The following CTNNA3 variants were observed in gnomAD, a reference collection of about 807,000 sequenced individuals.
The protein encoded by CTNNA3 is catenin alpha-3.
A neutral mutation model predicts 95.7 loss-of-function variants in CTNNA3; 76 were observed. That is an observed-to-expected ratio of 0.79 (90% CI 0.66 to 0.96). The LOEUF (loss-of-function observed/expected upper bound fraction) is 0.96. Among genes scored for constraint, CTNNA3 ranks in the 40% least tolerant of loss-of-function variants. The pLI is 0.00. For missense variants in CTNNA3, 1,191 were observed against 1,089.8 expected, an observed-to-expected ratio of 1.09 and a Z score of -1.31; for synonymous variants, 431 against 374.4, an observed-to-expected ratio of 1.15 and a Z score of -1.74.
At chr10:66,915,193 A>G (rs1387674566) in intron 7 of CTNNA3, among the ~76,000 whole-genome samples, 2 of 134,368 alleles carry the variant, frequency 1.5e-5, no homozygotes, top group Admixed American at 1.4e-4. Flanking sequence ...AAAACTAACG[A>G]AAAAAAAAAA....
In CTNNA3 at chr10:66,450,762, C is replaced by G. The variant is rs371720925; in HGVS notation, c.1531+69855G>C. Among the ~76,000 whole-genome samples, 81 of 152,202 alleles carry G rather than the reference C, an allele frequency of 5.3e-4. 1 individual carries two copies. The East Asian group carries it at 7.3e-3, about 14-fold the overall frequency. On this transcript the variant is annotated intron_variant, in intron 11 of 17. Coordinates refer to ENST00000433211, the MANE Select transcript of CTNNA3 (RefSeq NM_013266.4). ...ATTTCCTCACAAGCTAGAGATGTTA[C>G]TTTGCTCCAACTTATTATTTCTTCT...
intron 7 of CTNNA3, among the ~76,000 whole-genome samples, chr10:66,959,216 C>G (rs561830817): frequency 6.6e-6 from 1 of 152,276 alleles, no homozygotes; most frequent in African/African-American, 2.4e-5. Flanking sequence ...ATCTTTTATT[C>G]TCTTCAAAAC....
intron 15 of CTNNA3, among the ~76,000 whole-genome samples, chr10:66,031,884 T>C (rs1049241933): frequency 3.3e-4 from 50 of 152,314 alleles, no homozygotes; most frequent in African/African-American, 9.6e-4. Context: ...CCTGTTCTCA[T>C]AGAAAGCTGA....
chr10:66,455,513 C>T (rs2093489939), intron 11 of CTNNA3, among the ~76,000 whole-genome samples: 3 of 152,096 alleles, frequency 2.0e-5, no homozygotes. Flanking sequence ...CTAGGTGTCC[C>T]CACTGCTCAT....
chr10:65,954,105 G>A (rs1396499256), intron 17 of CTNNA3, among the ~76,000 whole-genome samples: 3 of 152,178 alleles, frequency 2.0e-5, no homozygotes, highest in Non-Finnish European at 4.4e-5. Flanking sequence ...GTATCTCACT[G>A]TGGTTTTGAT....
intron 11 of CTNNA3, among the ~76,000 whole-genome samples, chr10:66,443,846 G>A (rs958162103): frequency 6.6e-6 from 1 of 152,200 alleles, no homozygotes; most frequent in Non-Finnish European, 1.5e-5. Context: ...TGAGTTGAGA[G>A]AAGAAGGCTT....
intron 15 of CTNNA3, among the ~76,000 whole-genome samples, chr10:66,038,598 A>G (rs2079616446): frequency 1.3e-5 from 2 of 152,240 alleles, no homozygotes. Context: ...AGTCAATTTC[A>G]GAGGATTTTC....
intron 1 of CTNNA3, among the ~76,000 whole-genome samples, chr10:67,685,714 C>G (rs1840718160): frequency 6.6e-6 from 1 of 152,182 alleles, no homozygotes; most frequent in African/African-American, 2.4e-5. Context: ...TTTACCCTGG[C>G]TTTTAAAGGA....
chr10:66,699,296 A>C (rs1564626680), intron 9 of CTNNA3, among the ~76,000 whole-genome samples: 2 of 151,954 alleles, frequency 1.3e-5, no homozygotes, highest in African/African-American at 4.8e-5. Context: ...AGCTCCATAC[A>C]TTTTTTCATA....
At chr10:66,413,053 G>A (rs181703313) in intron 11 of CTNNA3, among the ~76,000 whole-genome samples, 2 of 152,280 alleles carry the variant, frequency 1.3e-5, no homozygotes, top group African/African-American at 2.4e-5. Flanking sequence ...ATAATTCAGA[G>A]TAGCAGGTCA....
At chr10:66,637,375 G>A (rs1303597488) in intron 9 of CTNNA3, among the ~76,000 whole-genome samples, 1 of 152,158 alleles carries the variant, frequency 6.6e-6, no homozygotes, top group Non-Finnish European at 1.5e-5. Flanking sequence ...ATGCACATCA[G>A]CCACATGGCA....
chr10:66,914,130 C>CTTTT lies in CTNNA3; in HGVS notation c.1048-138610_1048-138607dup, dbSNP rs3056545. On this transcript the variant is annotated intron_variant, in intron 7 of 17. Coordinates refer to ENST00000433211, the MANE Select transcript of CTNNA3 (RefSeq NM_013266.4). ...ACCTTGCCCACTGGCAGGGTGCCTT[C>CTTTT]TTTTTTTTTTTTTTTTTTGAGACAG... is the stretch of plus-strand genomic sequence containing the variant. Among the ~76,000 whole-genome samples, 25 of 120,254 alleles carry CTTTT rather than the reference C, an allele frequency of 2.1e-4. 2 individuals carry two copies. Among genetic ancestry groups the CTTTT allele is most frequent in the Middle Eastern group, 4.4e-3 (1 of 226 alleles). 78.9% of individuals were successfully genotyped at this position (120,254 alleles called of 152,430 possible). A position where few individuals can be genotyped will look rare whatever the true frequency, so the allele number is the denominator to read the frequency against.
chr10:67,047,727 T>TATTAA (rs1854841169), intron 7 of CTNNA3, among the ~76,000 whole-genome samples: 6 of 152,220 alleles, frequency 3.9e-5, no homozygotes, highest in African/African-American at 9.6e-5. Flanking sequence ...GTGTAAAAGC[T>TATTAA]ATTACATTAA....
intron 7 of CTNNA3, among the ~76,000 whole-genome samples, chr10:66,995,018 T>G (rs1198908340): frequency 1.3e-5 from 2 of 152,158 alleles, no homozygotes; most frequent in Admixed American, 6.6e-5. Flanking sequence ...GTTCATGCCT[T>G]CTCATTCCAA....
chr10:66,222,622 AAAAGAAAG>A (rs147010411), intron 13 of CTNNA3, among the ~76,000 whole-genome samples: 5 of 65,228 alleles, frequency 7.7e-5, no homozygotes, highest in Non-Finnish European at 1.6e-4. Flanking sequence ...GAAAGAAAGA[AAAAGAAAG>A]AAAGAAAGAA....
intron 7 of CTNNA3, among the ~76,000 whole-genome samples, chr10:67,002,429 A>C (rs2132991989): frequency 6.6e-6 from 1 of 152,272 alleles, no homozygotes; most frequent in Middle Eastern, 3.4e-3. Flanking sequence ...ATGATAGGAA[A>C]AGTAATGCTT....
In CTNNA3 at chr10:67,369,079, C is replaced by G. The variant is rs561626109; in HGVS notation, c.580-149209G>C. Among the ~76,000 whole-genome samples the G allele has an allele frequency of 2.0e-5, 3 of 152,244 alleles. No homozygotes were observed. In the East Asian group the frequency reaches 5.8e-4, roughly 29 times the overall value. On this transcript the variant is annotated intron_variant, in intron 5 of 17. Transcript: ENST00000433211. ...AAGCTAGAAGGTAGCCTGGGCAACA[C>G]AGCAAAACCCTGTCACTAAAATATG...
At chr10:66,527,638 T>G (rs1255675970) in intron 10 of CTNNA3, among the ~76,000 whole-genome samples, 1 of 152,144 alleles carries the variant, frequency 6.6e-6, no homozygotes, top group African/African-American at 2.4e-5. Context: ...GACATTCAGG[T>G]AAAAGTCTTT....
At chr10:66,253,514 C>T (rs2090641173) in intron 13 of CTNNA3, among the ~76,000 whole-genome samples, 1 of 152,098 alleles carries the variant, frequency 6.6e-6, no homozygotes. Flanking sequence ...AGTTAAACAG[C>T]CTGTGAGAAC....
Sources: allele counts gnomAD v4.1 joint callset (sites outside exome capture counted in the v4.1 genomes callset), GRCh38; gene constraint gnomAD v4.1.1; transcripts MANE v1.5; gene names NCBI Gene and HGNC (gene_info 2026-07-23, HGNC 2026-07-21).